The following PAH variants were observed in gnomAD, a reference collection of about 807,000 sequenced individuals.
The protein encoded by PAH is phenylalanine hydroxylase, also known as phenylalanine-4-hydroxylase.
Under a neutral mutation model 62.0 loss-of-function variants are expected in PAH, and 64 were observed. The ratio of observed to expected loss-of-function variants is 1.03; its 90% confidence interval spans 0.84 to 1.27. The LOEUF is 1.27. Among genes scored for constraint, PAH ranks in the 50% most tolerant of loss-of-function variants. The pLI, the probability that PAH is intolerant of heterozygous loss-of-function variation, is 0.00. For missense variants in PAH, 579 were observed against 542.8 expected, an observed-to-expected ratio of 1.07 and a Z score of -0.66; for synonymous variants, 195 against 196.2, an observed-to-expected ratio of 0.99 and a Z score of 0.05.
intron 5 of PAH, among the ~76,000 whole-genome samples, chr12:102,864,725 T>C (rs1875873494): frequency 6.6e-6 from 1 of 150,978 alleles, no homozygotes; most frequent in Admixed American, 6.6e-5. Flanking sequence ...TGGGAATGAC[T>C]GTGAAAGTGT....
intron 3 of PAH, among the ~76,000 whole-genome samples, chr12:102,880,426 A>AG (rs1199839853): frequency 1.3e-5 from 2 of 152,116 alleles, no homozygotes; most frequent in Non-Finnish European, 2.9e-5. Context: ...CACCTGGACA[A>AG]GGGGGCCTGA....
chr12:102,913,321 T>A (rs1188693159), intron 1 of PAH, among the ~76,000 whole-genome samples: 3 of 152,144 alleles, frequency 2.0e-5, no homozygotes, highest in African/African-American at 7.2e-5. Context: ...AGAGGTGATA[T>A]AATATGATTT....
In PAH at chr12:102,866,601, GT is replaced by G. The variant is rs199475661; in HGVS notation, c.503del (p.Tyr168SerfsTer27). 3 of 1,612,918 alleles carry G rather than the reference GT, an allele frequency of 1.9e-6. No homozygotes were observed. The highest frequency in any genetic ancestry group is 2.5e-6 in the Non-Finnish European group (3 of 1,178,922). On this transcript the variant is annotated frameshift_variant, in exon 5 of 13. Coordinates refer to ENST00000553106, the MANE Select transcript of PAH (RefSeq NM_000277.3). LOFTEE classifies it high-confidence loss of function. ...AACAAGCAAGGCAGACTTACTGGCG[GT>G]AGTTGTAGGCAATGTCAGCAAACTG... ...RKQFADIAYN[Y>X]RHGQPIPRVE...
At chr12:102,931,439 T>C (rs1241031327) in intron 1 of PAH, among the ~76,000 whole-genome samples, 1 of 151,996 alleles carries the variant, frequency 6.6e-6, no homozygotes, top group Non-Finnish European at 1.5e-5. Context: ...GCCTTGAGGG[T>C]TGATGATGAT....
In PAH at chr12:102,848,481, C is replaced by T. The variant is rs1218526121; in HGVS notation, c.913-1530G>A. The stretch of plus-strand genomic sequence containing the variant: ...CTGGAGAGGTGGAGGGTAGACAGGA[C>T]ACCAGGAGACTGGAGAGGTTGAGGA... On this transcript the variant is annotated intron_variant, in intron 8 of 12. Coordinates refer to ENST00000553106, the MANE Select transcript of PAH (RefSeq NM_000277.3). Among the ~76,000 whole-genome samples, 27 of 133,930 alleles carry T rather than the reference C, an allele frequency of 2.0e-4. 1 individual carries two copies. The highest frequency in any genetic ancestry group is 7.1e-4 in the African/African-American group (24 of 33,692). The allele number at this position is 133,930 out of a possible 152,430, so 87.9% of individuals were successfully genotyped here. A position where few individuals can be genotyped will look rare whatever the true frequency, so the allele number is the denominator to read the frequency against.
In PAH at chr12:102,839,077, C is replaced by G; in HGVS notation, c.*98G>C. Reference sequence around the variant, plus strand: ...TGTAAAGGATTTAAGGCTGTTATTTCAAATTAAGGTTTGCTTTTCGGACTT... The same window carrying G: ...TGTAAAGGATTTAAGGCTGTTATTTGAAATTAAGGTTTGCTTTTCGGACTT... On this transcript the variant is annotated 3_prime_UTR_variant, in exon 13 of 13. Coordinates refer to ENST00000553106, the MANE Select transcript of PAH (RefSeq NM_000277.3). 9.5e-7 allele frequency: 1 copy of G among 1,056,130 alleles called. No individual in the cohort carries two copies. Among genetic ancestry groups the G allele is most frequent in the Non-Finnish European group, 1.5e-6 (1 of 679,672 alleles). The allele number at this position is 1,056,130 out of a possible 1,614,324, so 65.4% of individuals were successfully genotyped here. A position where few individuals can be genotyped will look rare whatever the true frequency, so the allele number is the denominator to read the frequency against.
At chr12:102,928,861 C>A (rs1334018008) in intron 1 of PAH, among the ~76,000 whole-genome samples, 2 of 152,148 alleles carry the variant, frequency 1.3e-5, no homozygotes, top group African/African-American at 2.4e-5. Context: ...TCAGCTTTTG[C>A]TGCAAGAGAG....
chr12:102,952,570 G>C (rs1879798686), upstream of PAH, among the ~76,000 whole-genome samples: 1 of 152,058 alleles, frequency 6.6e-6, no homozygotes, highest in Non-Finnish European at 1.5e-5. Flanking sequence ...GCTCATCCAA[G>C]GAAGGTATTT....
intron 3 of PAH, among the ~76,000 whole-genome samples, chr12:102,884,645 C>T (rs575306090): frequency 2.0e-5 from 3 of 152,248 alleles, no homozygotes; most frequent in East Asian, 3.9e-4. Flanking sequence ...GGCATCAGTC[C>T]TTGCACCTGA....
intron 4 of PAH, among the ~76,000 whole-genome samples, chr12:102,875,249 A>G (rs1876513909): frequency 6.6e-6 from 1 of 152,200 alleles, no homozygotes; most frequent in African/African-American, 2.4e-5. Flanking sequence ...TTTAAAAACC[A>G]ATGCATTCCA....
intron 2 of PAH, among the ~76,000 whole-genome samples, chr12:102,909,199 C>T (rs1484392023): frequency 6.6e-6 from 1 of 152,056 alleles, no homozygotes; most frequent in Non-Finnish European, 1.5e-5. Flanking sequence ...TTTGATGACC[C>T]TGAGAGTTTT....
Position 102,864,902 on chromosome 12 carries a change from T to C in PAH, c.509+1694A>G, listed in dbSNP as rs115296772. Among the ~76,000 whole-genome samples the C allele has an allele frequency of 9.4e-3, 1,427 of 151,750 alleles. 16 individuals carry two copies. The highest frequency in any genetic ancestry group is 0.043 in the South Asian group (208 of 4,796). ...GTAAAAAGAGCACCGAAAGCTTAAA[T>C]GAGATGAGATAAAGTCAAGTCTGAA... On this transcript the variant is annotated intron_variant, in intron 5 of 12. Transcript: ENST00000553106.
At chr12:102,904,091 A>G (rs1311122907) in intron 2 of PAH, among the ~76,000 whole-genome samples, 2 of 152,200 alleles carry the variant, frequency 1.3e-5, no homozygotes, top group African/African-American at 4.8e-5. Context: ...GTTAGCAGGT[A>G]AGGGTTTTGG....
intron 1 of PAH, among the ~76,000 whole-genome samples, chr12:102,932,271 C>G (rs987578580): frequency 6.6e-6 from 1 of 152,194 alleles, no homozygotes; most frequent in Non-Finnish European, 1.5e-5. Context: ...CCTTCTTATA[C>G]TTACAGCTTA....
At chr12:102,878,580 A>T (rs1295181301) in intron 3 of PAH, among the ~76,000 whole-genome samples, 10 of 152,022 alleles carry the variant, frequency 6.6e-5, no homozygotes, top group Non-Finnish European at 1.5e-5. Flanking sequence ...ATGAGGGCAG[A>T]AACCATGGGT....
At chr12:102,853,226 A>C in intron 6 of PAH, 1 of 462,868 alleles carries the variant, frequency 2.2e-6, no homozygotes, top group Non-Finnish European at 4.0e-6. Flanking sequence ...ATGAATACAA[A>C]GTACTTAGCA....
chr12:102,879,607 G>A (rs201740111), intron 3 of PAH, among the ~76,000 whole-genome samples: 2 of 84,822 alleles, frequency 2.4e-5, no homozygotes, highest in East Asian at 3.7e-3. Context: ...TTTACCTGTG[G>A]GGGGGGGGTA....
chr12:102,860,288 C>A (rs1875658133), intron 5 of PAH, among the ~76,000 whole-genome samples: 1 of 152,166 alleles, frequency 6.6e-6, no homozygotes, highest in Non-Finnish European at 1.5e-5. Flanking sequence ...TGAAGGACCT[C>A]TTCAAGGAGA....
intron 5 of PAH, among the ~76,000 whole-genome samples, chr12:102,860,985 G>A (rs1401288397): frequency 6.6e-6 from 1 of 152,104 alleles, no homozygotes; most frequent in Non-Finnish European, 1.5e-5. Context: ...TTGACAAATG[G>A]GATATAATTA....
Sources: allele counts gnomAD v4.1 joint callset (sites outside exome capture counted in the v4.1 genomes callset), GRCh38; gene constraint gnomAD v4.1.1; transcripts MANE v1.5; gene names NCBI Gene and HGNC (gene_info 2026-07-23, HGNC 2026-07-21).